The following CRTAM variants were observed in gnomAD, a reference collection of about 807,000 sequenced individuals.
The protein encoded by CRTAM is cytotoxic and regulatory T-cell molecule.
CRTAM carries 44 observed loss-of-function variants against 50.0 expected under a neutral mutation model. The observed-to-expected ratio is 0.88, with a 90% CI of 0.69 to 1.13. CRTAM has a LOEUF of 1.13. Among genes scored for constraint, CRTAM ranks in the 50% most tolerant of loss-of-function variants. CRTAM has a pLI of 0.00. For missense variants in CRTAM, 448 were observed against 457.5 expected (o/e 0.98, Z 0.19); for synonymous variants, 159 against 169.3 (o/e 0.94, Z 0.47).
chr11:122,860,843 T>C (rs1005104736), intron 5 of CRTAM, among the ~76,000 whole-genome samples: 2 of 152,148 alleles, frequency 1.3e-5, no homozygotes, highest in Admixed American at 1.3e-4. Flanking sequence ...TAGTTGGAAC[T>C]ACAGGGGCGC....
Position 122,868,029 on chromosome 11 carries a change from A to G in CRTAM, c.981A>G (p.Glu327=). Residue 327 remains glutamate (E), a synonymous_variant, in exon 9 of 10, where the codon GAA becomes GAG. Coordinates refer to ENST00000227348, the MANE Select transcript of CRTAM (RefSeq NM_019604.4). ...VIWKKENEVS[E]HTLESYRSRS... ...TTTTTGTAGAAAACGAAGTTTCAGA[A>G]CACACACTAGAAAGTTACAGATCAA... 1 of 1,611,450 alleles carries G rather than the reference A, an allele frequency of 6.2e-7. No homozygotes were observed.
rs71057304 is a variant in CRTAM, at chr11:122,861,386, GTATATATATATATATATA to G, written c.653-1060_653-1043del. On this transcript the variant is annotated intron_variant, in intron 5 of 9. Coordinates refer to ENST00000227348, the MANE Select transcript of CRTAM (RefSeq NM_019604.4). ...TACACACACACACACATACATATACGTATATATATATATATATATATATATATATATATATTTTTTTTT... is the reference window on the plus strand; with the variant it reads ...TACACACACACACACATACATATACGTATATATATATATATATTTTTTTTT... 4.4e-3 allele frequency among the ~76,000 whole-genome samples: 182 copies of G among 41,812 alleles called. 4 individuals are homozygous for G. Among genetic ancestry groups the G allele is most frequent in the African/African-American group, 0.013 (141 of 10,776 alleles). 27.4% of individuals were successfully genotyped at this position (41,812 alleles called of 152,430 possible).
At chr11:122,861,478 C>T (rs2135247706) in intron 5 of CRTAM, among the ~76,000 whole-genome samples, 1 of 129,252 alleles carries the variant, frequency 7.7e-6, no homozygotes, top group East Asian at 2.5e-4. Flanking sequence ...CTCTGTCGCC[C>T]AGGCTTGAGT....
chr11:122,850,157 T>G lies in CRTAM; in HGVS notation c.136T>G (p.Ser46Ala), dbSNP rs1861912787. The G allele has an allele frequency of 6.2e-7, 1 of 1,613,404 alleles. No individual in the cohort carries two copies. Among genetic ancestry groups the G allele is most frequent in the African/African-American group, 1.3e-5 (1 of 74,880 alleles). Residue 46 changes from serine (S) to alanine (A), a missense_variant, in exon 2 of 10, where the codon TCC becomes GCC. By Grantham distance (99) the Ser-to-Ala change is moderately conservative. Transcript: ENST00000227348. ...LKCVTSLRKN[S>A]SLQWLTPSGF... ...GTGTGTCACTTCTCTGAGGAAGAACTCCTCCCTCCAGTGGCTGACCCCCTC... is the reference window on the plus strand; with the variant it reads ...GTGTGTCACTTCTCTGAGGAAGAACGCCTCCCTCCAGTGGCTGACCCCCTC...
chr11:122,852,328 C>T (rs755712449), intron 3 of CRTAM, among the ~76,000 whole-genome samples: 1 of 152,182 alleles, frequency 6.6e-6, no homozygotes, highest in Non-Finnish European at 1.5e-5. Context: ...CAAACAATTC[C>T]TCTTTTCTGT....
chr11:122,838,581 TC>T lies in CRTAM; in HGVS notation c.39del (p.Leu14CysfsTer6), dbSNP rs753390388. 1.9e-6 allele frequency: 3 copies of T among 1,614,150 alleles called. No homozygotes were observed. The highest frequency in any genetic ancestry group is 2.5e-6 in the Non-Finnish European group (3 of 1,179,982). On this transcript the variant is annotated frameshift_variant, in exon 1 of 10. Transcript: ENST00000227348. LOFTEE classifies it high-confidence loss of function. ...WWRVLSLLAW[F>X]PLQEASLTNH... The stretch of plus-strand genomic sequence containing the variant: ...AGAGTTCTCAGCTTGCTGGCATGGT[TC>T]CCCTTGCAAGGTAAGGACTTAGAGT...
rs140238905 is a variant in CRTAM at position 122,862,373 on chromosome 11, G to A, written c.653-91G>A. 3.4e-3 allele frequency: 2,868 copies of A among 831,320 alleles called. 92 individuals carry two copies. The Admixed American group carries it at 0.047, about 14-fold the overall frequency. The allele number at this position is 831,320 out of a possible 1,614,324, so 51.5% of individuals were successfully genotyped here. ...GCACAACCTCTACAAGCAGGTAGCC[G>A]CTAAATATATTCTCCAATCTCTTTT... On this transcript the variant is annotated intron_variant, in intron 5 of 9. Coordinates refer to ENST00000227348, the MANE Select transcript of CRTAM (RefSeq NM_019604.4).
At chr11:122,849,533 C>T in intron 1 of CRTAM, among the ~76,000 whole-genome samples, 1 of 152,066 alleles carries the variant, frequency 6.6e-6, no homozygotes, top group Admixed American at 6.6e-5. Flanking sequence ...ACCAGCCTGG[C>T]CAACATAGTA....
In CRTAM at chr11:122,872,140, AAAAG is replaced by A. The variant is rs1862263961; in HGVS notation, c.*744_*747del. The A allele has an allele frequency of 1.3e-5, 2 of 152,246 alleles. No homozygotes were observed. The highest frequency in any genetic ancestry group is 4.1e-4 in the South Asian group (2 of 4,832). 9.4% of individuals were successfully genotyped at this position (152,246 alleles called of 1,614,324 possible). On this transcript the variant is annotated 3_prime_UTR_variant, in exon 10 of 10. Coordinates refer to ENST00000227348, the MANE Select transcript of CRTAM (RefSeq NM_019604.4). ...ACAGAGGGAGACTCTGTCTCAAAAA[AAAAG>A]AAGTTACTTCCAAGACAGACTTTTA...
At chr11:122,857,285 A>G (rs545239752) in intron 5 of CRTAM, among the ~76,000 whole-genome samples, 4 of 152,310 alleles carry the variant, frequency 2.6e-5, no homozygotes, top group African/African-American at 7.2e-5. Context: ...TCTGGCCAAC[A>G]TGGCAAAACC....
chr11:122,862,677 G>A (rs757114168), intron 6 of CRTAM, 133 bp downstream of exon 6: 25 of 618,808 alleles, frequency 4.0e-5, no homozygotes, highest in Middle Eastern at 4.3e-4. Flanking sequence ...CCTCCAACTG[G>A]CTCCAGCTTT....
chr11:122,845,487 T>A (rs1191097560), intron 1 of CRTAM, among the ~76,000 whole-genome samples: 1 of 152,076 alleles, frequency 6.6e-6, no homozygotes, highest in Non-Finnish European at 1.5e-5. Context: ...GGTGGGTGGA[T>A]CACTTTAGGT....
chr11:122,839,494 T>C (rs549676204), intron 1 of CRTAM, among the ~76,000 whole-genome samples: 1 of 152,352 alleles, frequency 6.6e-6, no homozygotes, highest in Admixed American at 6.5e-5. Flanking sequence ...AGTTATACTT[T>C]ACATTTTACT....
intron 1 of CRTAM, among the ~76,000 whole-genome samples, chr11:122,847,982 A>T (rs1879882): frequency 0.056 from 8,461 of 152,276 alleles, 559 homozygotes; most frequent in East Asian, 0.32. Flanking sequence ...CTGCAGCAGC[A>T]GAGAGTTGGT....
rs184858822 is a variant in CRTAM at position 122,870,404 on chromosome 11, G to A, written c.1052-865G>A. Among the ~76,000 whole-genome samples the A allele has an allele frequency of 2.1e-3, 313 of 152,218 alleles. 3 individuals are homozygous for A. Among genetic ancestry groups the A allele is most frequent in the Non-Finnish European group, 3.6e-3 (244 of 68,002 alleles). ...CCAACTTTAAGAATATTTAAAATGAGTACCTGCACGACTCAGGGGATTCCT... is the reference window on the plus strand; with the variant it reads ...CCAACTTTAAGAATATTTAAAATGAATACCTGCACGACTCAGGGGATTCCT... On this transcript the variant is annotated intron_variant, in intron 9 of 9. Transcript: ENST00000227348.
At chr11:122,839,343 C>CA (rs1861772639) in intron 1 of CRTAM, among the ~76,000 whole-genome samples, 1 of 152,152 alleles carries the variant, frequency 6.6e-6, no homozygotes, top group Non-Finnish European at 1.5e-5. Flanking sequence ...ACTTTTGATC[C>CA]ACCAAACTCC....
rs746797928 is a variant in CRTAM at position 122,871,529 on chromosome 11, C to A, written c.*130C>A. The A allele has an allele frequency of 3.0e-6, 2 of 674,524 alleles. No homozygotes were observed. Among genetic ancestry groups the A allele is most frequent in the African/African-American group, 3.7e-5 (2 of 54,198 alleles). 41.8% of individuals were successfully genotyped at this position (674,524 alleles called of 1,614,324 possible). ...TTAGTGCAATGCAAGATGGTGTCCT[C>A]GGATAATGATCTGCCCCGGAGCTAG... On this transcript the variant is annotated 3_prime_UTR_variant, in exon 10 of 10. Transcript: ENST00000227348.
intron 1 of CRTAM, among the ~76,000 whole-genome samples, chr11:122,849,515 A>G (rs1289607739): frequency 1.3e-5 from 2 of 152,186 alleles, no homozygotes; most frequent in African/African-American, 4.8e-5. Flanking sequence ...TGAGGTCAGG[A>G]GTTCGAGACC....
chr11:122,859,511 G>A (rs779095562), intron 5 of CRTAM, among the ~76,000 whole-genome samples: 2 of 152,076 alleles, frequency 1.3e-5, no homozygotes, highest in Non-Finnish European at 2.9e-5. Context: ...TCTCATAAAT[G>A]TCTAGCTTAA....
Sources: allele counts gnomAD v4.1 joint callset (sites outside exome capture counted in the v4.1 genomes callset), GRCh38; gene constraint gnomAD v4.1.1; transcripts MANE v1.5; gene names NCBI Gene and HGNC (gene_info 2026-07-23, HGNC 2026-07-21).